Variants in KCNIP4 observed in about 807,000 individuals in gnomAD.
KCNIP4 encodes the protein potassium voltage-gated channel interacting protein 4.
KCNIP4 carries 12 observed loss-of-function variants against 34.0 expected under a neutral mutation model. The observed-to-expected ratio is 0.35, with a 90% confidence interval of 0.23 to 0.57. The LOEUF (loss-of-function observed/expected upper bound fraction) is 0.57, where lower values mean the gene tolerates loss of function less well. KCNIP4 is among the 20% of genes least tolerant of loss of function. The pLI, the probability that KCNIP4 is intolerant of heterozygous loss-of-function variation, is 0.83. For missense variants in KCNIP4, 238 were observed against 311.7 expected (o/e 0.76, Z 1.78); for synonymous variants, 124 against 102.2 (o/e 1.21, Z -1.29).
At chr4:21,746,386 C>A (rs995874752) in intron 1 of KCNIP4, among the ~76,000 whole-genome samples, 5 of 151,976 alleles carry the variant, frequency 3.3e-5, no homozygotes, top group Non-Finnish European at 5.9e-5. Context: ...GGTAAAATAT[C>A]ATTATATTTT....
intron 1 of KCNIP4, chr4:21,844,907 C>A (rs754113303): frequency 1.4e-4 from 21 of 150,206 alleles, no homozygotes; most frequent in Non-Finnish European, 2.7e-4. Context: ...AAAACCAAGG[C>A]TGAGAAAGGT....
chr4:21,766,380 A>T (rs993380268), intron 1 of KCNIP4, among the ~76,000 whole-genome samples: 1 of 152,088 alleles, frequency 6.6e-6, no homozygotes, highest in East Asian at 1.9e-4. Context: ...TTGCACAAGG[A>T]TTACTCGATT....
At chr4:21,240,822 C>T (rs1241090030) in intron 1 of KCNIP4, among the ~76,000 whole-genome samples, 3 of 152,182 alleles carry the variant, frequency 2.0e-5, no homozygotes, top group Non-Finnish European at 4.4e-5. Context: ...TGCCTCAGAA[C>T]ATTATTGAAA....
At chr4:20,832,367 A>T (rs770849419) in intron 3 of KCNIP4, among the ~76,000 whole-genome samples, 17 of 152,206 alleles carry the variant, frequency 1.1e-4, no homozygotes, top group Non-Finnish European at 2.4e-4. Flanking sequence ...AATAGGAGAA[A>T]GTGTCATTGG....
At chr4:21,809,521 C>A (rs1721497783) in intron 1 of KCNIP4, among the ~76,000 whole-genome samples, 1 of 152,140 alleles carries the variant, frequency 6.6e-6, no homozygotes, top group Admixed American at 6.5e-5. Flanking sequence ...TTTTATTTCT[C>A]TGGAGAACCC....
intron 1 of KCNIP4, among the ~76,000 whole-genome samples, chr4:20,894,994 C>A (rs1726347965): frequency 6.6e-6 from 1 of 152,250 alleles, no homozygotes; most frequent in African/African-American, 2.4e-5. Flanking sequence ...TTATGAAAGC[C>A]AAATTATAGC....
At chr4:21,574,367 G>C (rs907951019) in intron 1 of KCNIP4, among the ~76,000 whole-genome samples, 8 of 151,766 alleles carry the variant, frequency 5.3e-5, no homozygotes, top group African/African-American at 1.9e-4. Context: ...CTTGTATAGA[G>C]ATCAAAGAGA....
In KCNIP4 at chr4:20,801,229, C is replaced by G. The variant is rs1207351828; in HGVS notation, c.289-42339G>C. On this transcript the variant is annotated intron_variant, in intron 3 of 8. Coordinates refer to ENST00000382152, the MANE Select transcript of KCNIP4 (RefSeq NM_025221.6). ...AGGCATAAAATATTATCCAGACAAGCAAAAGCTAAATCCATCACCACTAGA... is the reference window on the plus strand; with the variant it reads ...AGGCATAAAATATTATCCAGACAAGGAAAAGCTAAATCCATCACCACTAGA... Among the ~76,000 whole-genome samples the G allele has an allele frequency of 1.1e-4, 17 of 148,254 alleles. No homozygotes were observed. In the East Asian group the frequency reaches 2.8e-3, roughly 24 times the overall value.
chr4:21,271,476 A>C (rs113462616), intron 1 of KCNIP4, among the ~76,000 whole-genome samples: 2,742 of 152,294 alleles, frequency 0.018, 27 homozygotes, highest in South Asian at 0.025. Context: ...CATCTGCTTT[A>C]TTAACATGTG....
At chr4:20,872,311 CT>C (rs1430417736) in intron 2 of KCNIP4, among the ~76,000 whole-genome samples, 9 of 152,098 alleles carry the variant, frequency 5.9e-5, no homozygotes, top group Admixed American at 5.9e-4. Context: ...CAGAACTCAT[CT>C]TTTGTTCTTC....
chr4:21,086,862 TTCTTTCCC>T (rs1316655771), intron 1 of KCNIP4, among the ~76,000 whole-genome samples: 1 of 151,890 alleles, frequency 6.6e-6, no homozygotes, highest in Non-Finnish European at 1.5e-5. Context: ...GCAGACTCTT[TTCTTTCCC>T]TCTTTCCCTC....
Position 20,779,542 on chromosome 4 carries a change from T to C in KCNIP4, c.289-20652A>G, listed in dbSNP as rs1250574951. Among the ~76,000 whole-genome samples the C allele has an allele frequency of 4.0e-5, 6 of 149,826 alleles. No homozygotes were observed. In the Admixed American group the frequency reaches 4.0e-4, roughly 10 times the overall value. ...CAAAATATATTGATAACCTAATCTC[T>C]GGAACCTACCTTACAAGTCCCCCCT... is the stretch of plus-strand genomic sequence containing the variant. On this transcript the variant is annotated intron_variant, in intron 3 of 8. Coordinates refer to ENST00000382152, the MANE Select transcript of KCNIP4 (RefSeq NM_025221.6).
At chr4:21,820,844 G>A (rs1420332726) in intron 1 of KCNIP4, among the ~76,000 whole-genome samples, 6 of 152,062 alleles carry the variant, frequency 3.9e-5, no homozygotes, top group Admixed American at 2.6e-4. Context: ...TCAGAAAATG[G>A]CTGATTTCCA....
chr4:21,866,918 C>T (rs895175115), intron 1 of KCNIP4, among the ~76,000 whole-genome samples: 3 of 151,910 alleles, frequency 2.0e-5, no homozygotes, highest in Non-Finnish European at 2.9e-5. Flanking sequence ...ACTACAGGTG[C>T]CCGCCACCAT....
chr4:20,977,491 G>C (rs984155018), intron 1 of KCNIP4, among the ~76,000 whole-genome samples: 111 of 152,194 alleles, frequency 7.3e-4, no homozygotes, highest in African/African-American at 2.5e-3. Context: ...TGGCTGGAGG[G>C]CATTCCCCTT....
chr4:20,979,540 C>T (rs946060204), intron 1 of KCNIP4, among the ~76,000 whole-genome samples: 2 of 151,794 alleles, frequency 1.3e-5, no homozygotes, highest in African/African-American at 2.4e-5. Context: ...CTGGGACTAC[C>T]GGCGCCCGCC....
chr4:21,304,013 G>C (rs1297149532), intron 1 of KCNIP4: 15 of 1,239,484 alleles, frequency 1.2e-5, no homozygotes, highest in Admixed American at 2.6e-5. Flanking sequence ...CTGGAGAAAG[G>C]GGAGGAGGAG....
intron 1 of KCNIP4, among the ~76,000 whole-genome samples, chr4:20,947,023 G>A (rs989586704): frequency 2.6e-5 from 4 of 152,128 alleles, no homozygotes; most frequent in East Asian, 3.9e-4. Flanking sequence ...CTCTTCTTGA[G>A]CCTCTCTCTG....
chr4:21,380,026 C>T (rs1721336766), intron 1 of KCNIP4, among the ~76,000 whole-genome samples: 1 of 151,954 alleles, frequency 6.6e-6, no homozygotes, highest in Admixed American at 6.6e-5. Context: ...ATATGTAATC[C>T]CCTTTTCATA....
Sources: gnomAD v4.1 joint callset for allele counts (sites outside exome capture counted in the v4.1 genomes callset) on GRCh38, gnomAD v4.1.1 for gene constraint, MANE v1.5 for transcripts, NCBI Gene and HGNC (gene_info 2026-07-23, HGNC 2026-07-21) for gene names.